The following PTPRT variants were observed in gnomAD, a reference collection of about 807,000 sequenced individuals.
PTPRT encodes protein tyrosine phosphatase receptor type T, also known as receptor-type tyrosine-protein phosphatase T.
Under a neutral mutation model 176.8 loss-of-function variants are expected in PTPRT, and 56 were observed. That is an observed-to-expected ratio of 0.32 (90% CI 0.26 to 0.40). The LOEUF is 0.40. Ranked by LOEUF, PTPRT falls within the 10% of genes least tolerant of loss-of-function variation. The pLI is 1.00. For missense variants in PTPRT, 1,540 were observed against 1,908.2 expected, an observed-to-expected ratio of 0.81 and a Z score of 3.60; for synonymous variants, 783 against 739.0, an observed-to-expected ratio of 1.06 and a Z score of -0.96.
intron 15 of PTPRT, among the ~76,000 whole-genome samples, chr20:42,201,840 A>G (rs1313742252): frequency 6.6e-6 from 1 of 151,762 alleles, no homozygotes; most frequent in Non-Finnish European, 1.5e-5. Flanking sequence ...GTGGCAAGTG[A>G]TCTTTTTGAC....
chr20:42,054,652 T>C, the PTPRT span, among the ~76,000 whole-genome samples: 2 of 152,134 alleles, frequency 1.3e-5, no homozygotes, highest in Non-Finnish European at 2.9e-5. Flanking sequence ...GTTGGCCTAT[T>C]CCATCACCTC....
chr20:42,299,288 A>T, intron 12 of PTPRT, among the ~76,000 whole-genome samples: 1 of 152,338 alleles, frequency 6.6e-6, no homozygotes, highest in South Asian at 2.1e-4. Context: ...ACTAAAATTA[A>T]AAACAAAGAG....
chr20:42,088,825 A>T (rs1984298194), intron 27 of PTPRT, among the ~76,000 whole-genome samples: 1 of 152,214 alleles, frequency 6.6e-6, no homozygotes, highest in African/African-American at 2.4e-5. Flanking sequence ...TGTTCTGAGG[A>T]TAAAGGACAT....
the PTPRT span, among the ~76,000 whole-genome samples, chr20:42,038,905 TA>T: frequency 6.6e-6 from 1 of 152,118 alleles, no homozygotes; most frequent in Non-Finnish European, 1.5e-5. Flanking sequence ...CAGTGGGCAT[TA>T]TTAGGAAGGC....
In PTPRT at chr20:42,431,479, G is replaced by A. The variant is rs548107631; in HGVS notation, c.1560+16741C>T. ...GGTTCTATAAAGGCATCATGATTGT[G>A]ATTAAACAGTTAATGAAAAATTACA... On this transcript the variant is annotated intron_variant, in intron 9 of 30. Transcript: ENST00000373187. 3.9e-5 allele frequency among the ~76,000 whole-genome samples: 6 copies of A among 152,266 alleles called. No homozygotes were observed. The South Asian group carries it at 8.3e-4, about 21-fold the overall frequency.
At chr20:42,835,223 T>C (rs1301768308) in intron 2 of PTPRT, among the ~76,000 whole-genome samples, 3 of 152,272 alleles carry the variant, frequency 2.0e-5, no homozygotes, top group Non-Finnish European at 4.4e-5. Flanking sequence ...TCTGAAGAAT[T>C]CAGACACAAG....
At chr20:42,665,331 G>T (rs1250521771) in intron 7 of PTPRT, among the ~76,000 whole-genome samples, 5 of 152,142 alleles carry the variant, frequency 3.3e-5, no homozygotes, top group Non-Finnish European at 7.4e-5. Flanking sequence ...GCAGCCAAAA[G>T]ATGTGAAAAA....
chr20:42,439,934 G>C (rs761083011), intron 9 of PTPRT, among the ~76,000 whole-genome samples: 1 of 152,104 alleles, frequency 6.6e-6, no homozygotes, highest in Non-Finnish European at 1.5e-5. Flanking sequence ...TTTTGAGACA[G>C]TCTCGCTCTG....
intron 2 of PTPRT, among the ~76,000 whole-genome samples, chr20:42,876,368 T>C (rs1332843447): frequency 6.6e-6 from 1 of 152,206 alleles, no homozygotes; most frequent in East Asian, 1.9e-4. Context: ...AGTAGGTCAA[T>C]CTGAGAATAG....
intron 13 of PTPRT, among the ~76,000 whole-genome samples, chr20:42,259,242 G>A (rs1447536663): frequency 1.3e-5 from 2 of 152,200 alleles, no homozygotes; most frequent in Non-Finnish European, 2.9e-5. Flanking sequence ...ACACACACCA[G>A]GAAAGACGGC....
intron 16 of PTPRT, among the ~76,000 whole-genome samples, chr20:42,188,192 C>T (rs1990855687): frequency 6.6e-6 from 1 of 152,168 alleles, no homozygotes; most frequent in African/African-American, 2.4e-5. Context: ...CACCACCTAC[C>T]TAGAGTGAGT....
chr20:42,757,991 G>A (rs1257174635), intron 5 of PTPRT, among the ~76,000 whole-genome samples: 1 of 152,182 alleles, frequency 6.6e-6, no homozygotes, highest in Non-Finnish European at 1.5e-5. Context: ...TACAACTGCT[G>A]CTCTTCTCAG....
intron 7 of PTPRT, among the ~76,000 whole-genome samples, chr20:42,499,274 T>A (rs1281516849): frequency 6.6e-6 from 1 of 152,002 alleles, no homozygotes; most frequent in Non-Finnish European, 1.5e-5. Flanking sequence ...AGTCTGTATA[T>A]GTGTAAGTTT....
At chr20:42,366,661 C>T (rs2058518849) in intron 9 of PTPRT, among the ~76,000 whole-genome samples, 1 of 152,254 alleles carries the variant, frequency 6.6e-6, no homozygotes, top group Non-Finnish European at 1.5e-5. Flanking sequence ...CCCTCTTACT[C>T]ACCTGTGATT....
At chr20:42,812,063 C>A (rs2077704930) in intron 2 of PTPRT, among the ~76,000 whole-genome samples, 1 of 46,576 alleles carries the variant, frequency 2.1e-5, no homozygotes, top group Non-Finnish European at 5.0e-5. Flanking sequence ...AGTCTGAGGA[C>A]AACTTGACTT....
At chr20:42,567,401 T>G (rs2073060397) in intron 7 of PTPRT, among the ~76,000 whole-genome samples, 1 of 152,198 alleles carries the variant, frequency 6.6e-6, no homozygotes, top group African/African-American at 2.4e-5. Context: ...CAAATGCACT[T>G]CTCTTCACCT....
chr20:42,876,341 C>T (rs186094229), intron 2 of PTPRT, among the ~76,000 whole-genome samples: 16 of 152,100 alleles, frequency 1.1e-4, no homozygotes, highest in African/African-American at 3.6e-4. Context: ...TTATTGTAAG[C>T]CTCACATTAA....
intron 1 of PTPRT, among the ~76,000 whole-genome samples, chr20:42,982,133 A>T (rs1051366400): frequency 6.6e-6 from 1 of 152,204 alleles, no homozygotes; most frequent in Non-Finnish European, 1.5e-5. Flanking sequence ...AGTTTCACGC[A>T]TTCCTGGAAG....
At chr20:42,711,878 G>A (rs2076149879) in intron 6 of PTPRT, among the ~76,000 whole-genome samples, 2 of 151,650 alleles carry the variant, frequency 1.3e-5, no homozygotes, top group South Asian at 4.2e-4. Context: ...GAAATCATTG[G>A]CTCAAAAGCA....
Sources: allele counts gnomAD v4.1 joint callset (sites outside exome capture counted in the v4.1 genomes callset), GRCh38; gene constraint gnomAD v4.1.1; transcripts MANE v1.5; gene names NCBI Gene and HGNC (gene_info 2026-07-23, HGNC 2026-07-21).